KLHL14: variants seen among roughly 807,000 people sequenced by gnomAD.
The protein encoded by KLHL14 is kelch like family member 14.
A neutral mutation model predicts 64.3 loss-of-function variants in KLHL14; 22 were observed. The observed-to-expected ratio is 0.34, with a 90% confidence interval of 0.24 to 0.49. KLHL14 has a LOEUF of 0.49. KLHL14 is among the 20% of genes least tolerant of loss of function. KLHL14 has a pLI of 0.99. For synonymous variants in KLHL14, 322 were observed against 333.4 expected (o/e 0.97, Z 0.37); for missense variants, 661 against 789.0 (o/e 0.84, Z 1.94).
intron 2 of KLHL14, among the ~76,000 whole-genome samples, chr18:32,755,665 G>A (rs2050278190): frequency 6.6e-6 from 1 of 152,104 alleles, no homozygotes; most frequent in South Asian, 2.1e-4. Context: ...TCAAAATGTG[G>A]TCCAAAATCT....
intron 4 of KLHL14, among the ~76,000 whole-genome samples, chr18:32,692,330 C>G (rs1460991610): frequency 6.6e-6 from 1 of 152,284 alleles, no homozygotes; most frequent in East Asian, 1.9e-4. Flanking sequence ...ATCTCAGATA[C>G]CATTTTCATA....
At chr18:32,754,364 T>A (rs2050271351) in intron 2 of KLHL14, among the ~76,000 whole-genome samples, 1 of 152,218 alleles carries the variant, frequency 6.6e-6, no homozygotes, top group Non-Finnish European at 1.5e-5. Flanking sequence ...AGAGTGACTT[T>A]TTGACCTAAG....
chr18:32,764,321 C>T (rs2050329449), intron 2 of KLHL14, among the ~76,000 whole-genome samples: 1 of 152,002 alleles, frequency 6.6e-6, no homozygotes, highest in Non-Finnish European at 1.5e-5. Context: ...TTTAATTAAT[C>T]ACTATTTAGC....
intron 3 of KLHL14, among the ~76,000 whole-genome samples, chr18:32,737,195 G>A (rs75849551): frequency 1.9e-3 from 296 of 152,108 alleles, no homozygotes; most frequent in Middle Eastern, 3.4e-3. Flanking sequence ...AATGGTTTGT[G>A]GGTTTTAGTT....
At position 32,695,326 on chromosome 18, in the gene KLHL14, C is replaced by T. The variant is rs182391005; in HGVS notation, c.1159+137G>A. 38 of 652,324 alleles carry T rather than the reference C, an allele frequency of 5.8e-5. No homozygotes were observed. The Admixed American group carries it at 7.8e-4, about 13-fold the overall frequency. 40.4% of individuals were successfully genotyped at this position (652,324 alleles called of 1,614,324 possible). On this transcript the variant is annotated intron_variant, in intron 4 of 8. Transcript: ENST00000359358. ...TTGACCCTCTCTCCAATTGTCAGCCCCATCTCCTTACTACTTCATTTGTCC... is the reference window on the plus strand; with the variant it reads ...TTGACCCTCTCTCCAATTGTCAGCCTCATCTCCTTACTACTTCATTTGTCC...
chr18:32,699,756 TATG>T, intron 3 of KLHL14, among the ~76,000 whole-genome samples: 1 of 152,312 alleles, frequency 6.6e-6, no homozygotes, highest in South Asian at 2.1e-4. Flanking sequence ...TGTTTATTAC[TATG>T]ATATTTGAAT....
At chr18:32,772,360 C>T in intron 1 of KLHL14, 1 of 223,036 alleles carries the variant, frequency 4.5e-6, no homozygotes, top group Non-Finnish European at 9.7e-6. Context: ...TCTGGCTTGC[C>T]TGAAACATCT....
rs1410508719 is a variant in KLHL14, at chr18:32,741,990, C to T, written c.1007G>A (p.Arg336Gln). 2 of 1,612,938 alleles carry T rather than the reference C, an allele frequency of 1.2e-6. No homozygotes were observed. The highest frequency in any genetic ancestry group is 1.3e-5 in the African/African-American group (1 of 74,914). ...LVGGLPPGPDRLPSNLVQYYD... is the reference protein window; with the variant it reads ...LVGGLPPGPDQLPSNLVQYYD... ...ATACTGAACCAAATTGCTGGGGAGC[C>T]GGTCCGGTCCAGGAGGCAGCCCTCC... The change falls in exon 3 of 9, where the codon CGG becomes CAG. Residue 336 changes from arginine to glutamine, a missense_variant. This residue lies in a region of KLHL14 where 330 missense variants were observed against 450.0 expected (regional missense o/e 0.73). Transcript: ENST00000359358.
chr18:32,740,685 A>G (rs968295416), intron 3 of KLHL14: 5 of 152,224 alleles, frequency 3.3e-5, no homozygotes, highest in Non-Finnish European at 7.3e-5. Context: ...ATTTTTGTCA[A>G]AAGAGAAATA....
chr18:32,710,366 T>C (rs554570467), intron 3 of KLHL14, among the ~76,000 whole-genome samples: 1 of 152,312 alleles, frequency 6.6e-6, no homozygotes, highest in South Asian at 2.1e-4. Flanking sequence ...CAAGAATGTG[T>C]GGTTTCCAGA....
intron 2 of KLHL14, among the ~76,000 whole-genome samples, chr18:32,752,219 T>C (rs2050257265): frequency 6.6e-6 from 1 of 152,222 alleles, no homozygotes; most frequent in Admixed American, 6.5e-5. Flanking sequence ...TCAGTGGGAT[T>C]ACAAAATCCC....
At chr18:32,745,426 C>G (rs1432113383) in intron 2 of KLHL14, 1 of 152,170 alleles carries the variant, frequency 6.6e-6, no homozygotes, top group Non-Finnish European at 1.5e-5. Context: ...ACTATTTTCT[C>G]CATTGACTCT....
At chr18:32,711,497 A>G (rs751663329) in intron 3 of KLHL14, among the ~76,000 whole-genome samples, 4 of 152,188 alleles carry the variant, frequency 2.6e-5, no homozygotes, top group Non-Finnish European at 5.9e-5. Context: ...ATAGATTTGG[A>G]TTCTCATTTT....
chr18:32,730,975 C>T (rs2050134463), intron 3 of KLHL14, among the ~76,000 whole-genome samples: 1 of 152,188 alleles, frequency 6.6e-6, no homozygotes, highest in Admixed American at 6.5e-5. Flanking sequence ...CAGCACTCCC[C>T]TTTCACAAAA....
chr18:32,738,770 C>T (rs1313789210), intron 3 of KLHL14: 3 of 152,096 alleles, frequency 2.0e-5, no homozygotes, highest in African/African-American at 4.8e-5. Context: ...TTGTTTTCTT[C>T]GTGTTATATA....
intron 3 of KLHL14, among the ~76,000 whole-genome samples, chr18:32,713,949 C>A (rs1298378441): frequency 6.6e-6 from 1 of 152,044 alleles, no homozygotes; most frequent in Non-Finnish European, 1.5e-5. Flanking sequence ...CATTAAATTT[C>A]TTTTAAAAAT....
Position 32,680,119 on chromosome 18 carries a change from T to G in KLHL14, c.1588+50A>C. 3.4e-5 allele frequency: 53 copies of G among 1,571,696 alleles called. No individual in the cohort carries two copies. Among genetic ancestry groups the G allele is most frequent in the Non-Finnish European group, 4.3e-5 (49 of 1,148,356 alleles). On this transcript the variant is annotated intron_variant, in intron 7 of 8. Transcript: ENST00000359358. The surrounding 1 kb of genome is among the most constrained non-coding windows in gnomAD (Gnocchi z 4.8). Reference sequence around the variant, plus strand: ...GGAGAAACCCCCTTAGCGAGAAATATGAGGTGCAAATGTTATTGTGACTAA... The same window carrying G: ...GGAGAAACCCCCTTAGCGAGAAATAGGAGGTGCAAATGTTATTGTGACTAA...
At chr18:32,693,405 C>CAGAG (rs1167660313) in intron 4 of KLHL14, among the ~76,000 whole-genome samples, 163 of 120,834 alleles carry the variant, frequency 1.3e-3, no homozygotes, top group African/African-American at 5.0e-3. Context: ...CACACACACA[C>CAGAG]ACACACACAG....
In KLHL14 at chr18:32,760,339, T is replaced by TACACACACAC. The variant is rs60814600; in HGVS notation, c.947+9296_947+9305dup. On this transcript the variant is annotated intron_variant, in intron 2 of 8. Coordinates refer to ENST00000359358, the MANE Select transcript of KLHL14 (RefSeq NM_020805.3). ...TGATTGGACTGTGTACACACAGACATACACACACACACACACACACACATA... is the reference window on the plus strand; with the variant it reads ...TGATTGGACTGTGTACACACAGACATACACACACACACACACACACACACACACACACATA... 7.2e-3 allele frequency among the ~76,000 whole-genome samples: 1,061 copies of TACACACACAC among 146,936 alleles called. 13 individuals are homozygous for TACACACACAC. The highest frequency in any genetic ancestry group is 0.023 in the African/African-American group (946 of 41,026).
Sources: gnomAD v4.1 joint callset for allele counts (sites outside exome capture counted in the v4.1 genomes callset) on GRCh38, gnomAD v4.1.1 for gene constraint, gnomAD v4.1.1 regional missense constraint, Gnocchi (gnomAD v3.1) non-coding constraint, MANE v1.5 for transcripts, NCBI Gene and HGNC (gene_info 2026-07-23, HGNC 2026-07-21) for gene names.